The following IPO11 variants were observed in gnomAD, a reference collection of about 807,000 sequenced individuals.
IPO11 encodes the protein importin-11.
IPO11 carries 66 observed loss-of-function variants against 143.2 expected under a neutral mutation model. That is an observed-to-expected ratio of 0.46 (90% CI 0.38 to 0.57). IPO11 has a LOEUF of 0.57. Ranked by LOEUF, IPO11 falls within the 20% of genes least tolerant of loss-of-function variation. IPO11 has a pLI of 0.00. For missense variants in IPO11, 1,026 were observed against 1,141.0 expected (o/e 0.90, Z 1.45); for synonymous variants, 385 against 377.8 (o/e 1.02, Z -0.22).
chr5:62,419,153 T>A (rs1743406589), intron 1 of IPO11: 1 of 1,543,916 alleles, frequency 6.5e-7, no homozygotes, highest in Non-Finnish European at 8.7e-7. Flanking sequence ...TTTAAACATG[T>A]CTAAACTTAG....
chr5:62,539,279 G>A (rs889718348), intron 24 of IPO11, among the ~76,000 whole-genome samples: 2 of 152,156 alleles, frequency 1.3e-5, no homozygotes, highest in Non-Finnish European at 2.9e-5. Context: ...GGTGATTGCA[G>A]GCAGTCTTTT....
chr5:62,460,870 C>T (rs148372730), intron 5 of IPO11, among the ~76,000 whole-genome samples: 250 of 152,268 alleles, frequency 1.6e-3, no homozygotes, highest in Middle Eastern at 6.8e-3. Flanking sequence ...TGCTTTATTA[C>T]TTACTCTTTT....
chr5:62,419,274 T>A, intron 1 of IPO11: 1 of 767,670 alleles, frequency 1.3e-6, no homozygotes, highest in Non-Finnish European at 1.9e-6. Flanking sequence ...AATCAGTGAG[T>A]GAGTGGTGAG....
chr5:62,496,165 G>A (rs1741143994), intron 16 of IPO11, among the ~76,000 whole-genome samples: 1 of 152,036 alleles, frequency 6.6e-6, no homozygotes, highest in Non-Finnish European at 1.5e-5. Flanking sequence ...GCATGCGCCT[G>A]TAGTCCCAGT....
intron 20 of IPO11, 112 bp downstream of exon 20, chr5:62,515,613 C>T: frequency 3.4e-6 from 2 of 593,598 alleles, no homozygotes; most frequent in Non-Finnish European, 5.5e-6. Flanking sequence ...AAAAACTTCA[C>T]ATATCTTTTA....
intron 5 of IPO11, among the ~76,000 whole-genome samples, chr5:62,457,243 C>T (rs1172133983): frequency 6.6e-6 from 1 of 152,084 alleles, no homozygotes; most frequent in Non-Finnish European, 1.5e-5. Context: ...AATCCCAGCA[C>T]TTTGGAAAGC....
At chr5:62,484,795 C>T (rs26639) in intron 11 of IPO11, among the ~76,000 whole-genome samples, 70,853 of 151,556 alleles carry the variant, frequency 0.47, 16,726 homozygotes, top group South Asian at 0.52. Flanking sequence ...TTTAAGAGTG[C>T]CCAAAAGTTT....
At position 62,439,604 on chromosome 5, in the gene IPO11, T is replaced by TTA. The variant is rs200419477; in HGVS notation, c.138+2188_138+2189dup. 4.3e-3 allele frequency among the ~76,000 whole-genome samples: 654 copies of TTA among 151,864 alleles called. 7 individuals are homozygous for TTA. Among genetic ancestry groups the TTA allele is most frequent in the African/African-American group, 0.015 (630 of 41,438 alleles). On this transcript the variant is annotated intron_variant, in intron 2 of 29. Coordinates refer to ENST00000325324, the MANE Select transcript of IPO11 (RefSeq NM_016338.5). ...GCCTGGCCCAGTCTTTTTTTTTTTT[T>TTA]TAAGTAGAGACAGGGTCTTGCTTTG...
intron 21 of IPO11, 78 bp downstream of exon 21, chr5:62,526,335 C>A: frequency 1.0e-6 from 1 of 977,522 alleles, no homozygotes; most frequent in Non-Finnish European, 1.6e-6. Flanking sequence ...AAGTTAAGGT[C>A]ATGTAATAGG....
At chr5:62,531,747 A>G (rs1480654684) in intron 22 of IPO11, among the ~76,000 whole-genome samples, 1 of 152,222 alleles carries the variant, frequency 6.6e-6, no homozygotes, top group Non-Finnish European at 1.5e-5. Flanking sequence ...TTGGATGACC[A>G]TGGTGGTTAG....
intron 29 of IPO11, among the ~76,000 whole-genome samples, chr5:62,606,706 A>G (rs939867908): frequency 1.3e-5 from 2 of 152,096 alleles, no homozygotes; most frequent in African/African-American, 4.8e-5. Context: ...GCGTGGTGGC[A>G]TGCGCCTGTA....
chr5:62,507,756 C>T (rs752387043), intron 19 of IPO11, among the ~76,000 whole-genome samples: 4 of 152,082 alleles, frequency 2.6e-5, no homozygotes, highest in Admixed American at 2.0e-4. Context: ...TTATCTTTGT[C>T]TCCCCAAACT....
intron 29 of IPO11, among the ~76,000 whole-genome samples, chr5:62,604,717 A>C (rs1005801061): frequency 1.3e-5 from 2 of 152,150 alleles, no homozygotes; most frequent in African/African-American, 4.8e-5. Context: ...ATATAGATTT[A>C]TATTATCATC....
At chr5:62,599,829 AC>A (rs1185485106) in intron 28 of IPO11, among the ~76,000 whole-genome samples, 1 of 152,190 alleles carries the variant, frequency 6.6e-6, no homozygotes, top group Non-Finnish European at 1.5e-5. Flanking sequence ...GTTAATTCTT[AC>A]GTATCTTTTA....
chr5:62,489,618 A>G (rs1363783163), intron 14 of IPO11, among the ~76,000 whole-genome samples: 1 of 152,192 alleles, frequency 6.6e-6, no homozygotes, highest in Non-Finnish European at 1.5e-5. Context: ...ACACAAGGAT[A>G]AGTAGGAGTT....
At chr5:62,526,019 C>G in intron 20 of IPO11, 123 bp from the exon 21 acceptor site, 1 of 661,928 alleles carries the variant, frequency 1.5e-6, no homozygotes, top group Non-Finnish European at 2.7e-6. Context: ...TAATTAGGAC[C>G]TTCCTAAAAA....
chr5:62,625,499 G>C (rs898512554), intron 29 of IPO11, among the ~76,000 whole-genome samples: 5 of 152,160 alleles, frequency 3.3e-5, no homozygotes, highest in African/African-American at 1.2e-4. Context: ...CAGGAATTCT[G>C]GGTAATTATC....
intron 25 of IPO11, among the ~76,000 whole-genome samples, chr5:62,550,833 A>G (rs1285432831): frequency 6.6e-6 from 1 of 152,142 alleles, no homozygotes; most frequent in Non-Finnish European, 1.5e-5. Flanking sequence ...TCTCTTAAAT[A>G]GATCCATGGA....
At chr5:62,614,850 G>A (rs1746069806) in intron 29 of IPO11, among the ~76,000 whole-genome samples, 1 of 152,098 alleles carries the variant, frequency 6.6e-6, no homozygotes, top group East Asian at 1.9e-4. Context: ...ACTTGAAGAT[G>A]GTGAATGTGG....
Sources: allele counts gnomAD v4.1 joint callset (sites outside exome capture counted in the v4.1 genomes callset), GRCh38; gene constraint gnomAD v4.1.1; transcripts MANE v1.5; gene names NCBI Gene and HGNC (gene_info 2026-07-23, HGNC 2026-07-21).